The following MTMR12 variants were observed in gnomAD, a reference collection of about 807,000 sequenced individuals.
MTMR12 encodes myotubularin related protein 12.
Under a neutral mutation model 96.7 loss-of-function variants are expected in MTMR12, and 33 were observed. The observed-to-expected ratio is 0.34, with a 90% CI of 0.26 to 0.46. The LOEUF (loss-of-function observed/expected upper bound fraction) is 0.46. Among genes scored for constraint, MTMR12 ranks in the 20% least tolerant of loss-of-function variants. MTMR12 has a pLI of 1.00. For synonymous variants in MTMR12, 298 were observed against 327.2 expected (o/e 0.91, Z 0.96); for missense variants, 721 against 896.1 (o/e 0.80, Z 2.49).
At chr5:32,308,861 C>T (rs147192932) in intron 1 of MTMR12, among the ~76,000 whole-genome samples, 2,336 of 152,260 alleles carry the variant, frequency 0.015, 30 homozygotes, top group Non-Finnish European at 0.024. Context: ...CCTCGGCCTC[C>T]CAAAGTGCTG....
rs1221268817 is a variant in MTMR12, at chr5:32,312,780, A to C, written c.59T>G (p.Phe20Cys). 2.0e-6 allele frequency: 3 copies of C among 1,532,222 alleles called. No individual in the cohort carries two copies. Among genetic ancestry groups the C allele is most frequent in the Non-Finnish European group, 2.6e-6 (3 of 1,142,664 alleles). The allele number at this position is 1,532,222 out of a possible 1,614,324, so 94.9% of individuals were successfully genotyped here. Residue 20 changes from phenylalanine to cysteine, a missense_variant, in exon 1 of 16, where the codon TTC becomes TGC. Phe to Cys is a radical substitution (Grantham distance 205, BLOSUM62 -2). Transcript: ENST00000382142. The surrounding 1 kb of genome is among the most constrained non-coding windows in gnomAD (Gnocchi z 5.0). ...CACCTCAGGGCGTACGTACGACACG[A>C]AGGAGGGCTTGGGGGCCTTGGTGCC... The part of the protein sequence containing the change: ...GGGTKAPKPS[F>C]VSYVRPEEIH...
At chr5:32,248,171 T>A (rs1022441920) in intron 9 of MTMR12, 45 bp from the exon 10 acceptor site, 10 of 1,595,454 alleles carry the variant, frequency 6.3e-6, no homozygotes, top group Non-Finnish European at 8.6e-6. Context: ...CAAACTCAAA[T>A]TTTGCTTAAG....
rs116523560 is a variant in MTMR12, at chr5:32,280,079, T to C, written c.82-3337A>G. On this transcript the variant is annotated intron_variant, in intron 1 of 15. Coordinates refer to ENST00000382142, the MANE Select transcript of MTMR12 (RefSeq NM_001040446.3). ...TGGTGGTATTTACTTCACTGGTTCTTGAAAAGTCAATTCTTTGGACTCTTA... is the reference window on the plus strand; with the variant it reads ...TGGTGGTATTTACTTCACTGGTTCTCGAAAAGTCAATTCTTTGGACTCTTA... 1.1e-3 allele frequency among the ~76,000 whole-genome samples: 160 copies of C among 152,326 alleles called. 1 individual carries two copies. Among genetic ancestry groups the C allele is most frequent in the African/African-American group, 3.7e-3 (153 of 41,568 alleles).
intron 12 of MTMR12, among the ~76,000 whole-genome samples, chr5:32,241,476 C>A (rs956308706): frequency 6.6e-6 from 1 of 152,292 alleles, no homozygotes; most frequent in East Asian, 1.9e-4. Context: ...TGGGGCTAAA[C>A]GAAACATAGT....
At position 32,284,602 on chromosome 5, in the gene MTMR12, A is replaced by C. The variant is rs142607932; in HGVS notation, c.82-7860T>G. 6.0e-3 allele frequency among the ~76,000 whole-genome samples: 907 copies of C among 152,190 alleles called. 9 individuals carry two copies. Among genetic ancestry groups the C allele is most frequent in the Middle Eastern group, 0.017 (5 of 294 alleles). The stretch of plus-strand genomic sequence containing the variant: ...GGTGGTGGGAGCTTCTTAAACCATA[A>C]ACTAGTTTTACAGAAGGGTCTAGAG... On this transcript the variant is annotated intron_variant, in intron 1 of 15. Coordinates refer to ENST00000382142, the MANE Select transcript of MTMR12 (RefSeq NM_001040446.3).
At position 32,228,423 on chromosome 5, in the gene MTMR12, TTTG is replaced by T. The variant is rs1297581724; in HGVS notation, c.*1352_*1354del. The T allele has an allele frequency of 6.8e-6, 1 of 148,144 alleles. No homozygotes were observed. Among genetic ancestry groups the T allele is most frequent in the Non-Finnish European group, 1.5e-5 (1 of 67,760 alleles). The allele number at this position is 148,144 out of a possible 1,614,324, so 9.2% of individuals were successfully genotyped here. On this transcript the variant is annotated 3_prime_UTR_variant, in exon 16 of 16. Transcript: ENST00000382142. ...TTCAATTTAAAACATTCTAATGAGT[TTTG>T]TTTTTTTCCTCTTTTATGCGATTTG...
intron 15 of MTMR12, chr5:32,232,984 A>T (rs1748059054): frequency 1.0e-6 from 1 of 985,340 alleles, no homozygotes; most frequent in East Asian, 1.1e-4. Context: ...TCCTTTGTGG[A>T]CTCTGTGGGG....
At chr5:32,287,992 C>T (rs533962657) in intron 1 of MTMR12, among the ~76,000 whole-genome samples, 8 of 152,136 alleles carry the variant, frequency 5.3e-5, no homozygotes, top group African/African-American at 1.4e-4. Flanking sequence ...AAGCAGACAC[C>T]GAGCCTCAAA....
At chr5:32,299,612 A>C (rs1210367780) in intron 1 of MTMR12, among the ~76,000 whole-genome samples, 1 of 152,202 alleles carries the variant, frequency 6.6e-6, no homozygotes, top group Non-Finnish European at 1.5e-5. Flanking sequence ...GAAGAAGGCA[A>C]GAGGAACCAG....
At chr5:32,296,096 T>C (rs951867725) in intron 1 of MTMR12, among the ~76,000 whole-genome samples, 3 of 151,808 alleles carry the variant, frequency 2.0e-5, no homozygotes, top group East Asian at 3.9e-4. Context: ...GAGGTGGAGA[T>C]TGCAGTTAGC....
chr5:32,290,293 G>T (rs1405593147), intron 1 of MTMR12, among the ~76,000 whole-genome samples: 1 of 152,166 alleles, frequency 6.6e-6, no homozygotes, highest in Non-Finnish European at 1.5e-5. Flanking sequence ...CTTCCACAAG[G>T]TATCACACTG....
In MTMR12 at chr5:32,312,645, G is replaced by T. The variant is rs980403032; in HGVS notation, c.81+113C>A. On this transcript the variant is annotated intron_variant, in intron 1 of 15. Coordinates refer to ENST00000382142, the MANE Select transcript of MTMR12 (RefSeq NM_001040446.3). The surrounding 1 kb of genome is among the most constrained non-coding windows in gnomAD (Gnocchi z 5.0). ...AGCCCGCCTGGCTGCCCCGTCGCCC[G>T]GCACAAGGGCAGGAAGCGCTCCGCG... The T allele has an allele frequency of 2.0e-6, 2 of 1,005,040 alleles. No individual in the cohort carries two copies. The highest frequency in any genetic ancestry group is 4.1e-5 in the South Asian group (1 of 24,392). The allele number at this position is 1,005,040 out of a possible 1,614,324, so 62.3% of individuals were successfully genotyped here.
At chr5:32,259,734 G>A (rs1299430588) in intron 7 of MTMR12, among the ~76,000 whole-genome samples, 4 of 152,252 alleles carry the variant, frequency 2.6e-5, no homozygotes, top group African/African-American at 9.6e-5. Flanking sequence ...GGGAAAGCTT[G>A]CAACTTAAGT....
intron 4 of MTMR12, among the ~76,000 whole-genome samples, 154 bp from the exon 5 acceptor site, chr5:32,271,101 C>T (rs569873897): frequency 6.6e-6 from 1 of 152,284 alleles, no homozygotes; most frequent in African/African-American, 2.4e-5. Context: ...CAAAGGAAGC[C>T]CAATCTCTTC....
At chr5:32,249,500 A>C (rs147752687) in intron 8 of MTMR12, among the ~76,000 whole-genome samples, 1 of 152,338 alleles carries the variant, frequency 6.6e-6, no homozygotes, top group East Asian at 1.9e-4. Flanking sequence ...TTAGGTTGTG[A>C]GAGGGCACAA....
rs377576308 is a variant in MTMR12 at position 32,233,729 on chromosome 5, G to A, written c.1674+44C>T. 79 of 1,612,964 alleles carry A rather than the reference G, an allele frequency of 4.9e-5. No homozygotes were observed. The highest frequency in any genetic ancestry group is 6.6e-5 in the Non-Finnish European group (78 of 1,179,098). Reference sequence around the variant, plus strand: ...AGTACCTTTTATCATTACATGCACGGGGTCTGGGCAGCTGAAGGGGGTTTA... The same window carrying A: ...AGTACCTTTTATCATTACATGCACGAGGTCTGGGCAGCTGAAGGGGGTTTA... On this transcript the variant is annotated intron_variant, in intron 15 of 15. Coordinates refer to ENST00000382142, the MANE Select transcript of MTMR12 (RefSeq NM_001040446.3). This position sits in a 1 kb window ranked among gnomAD's most constrained non-coding sequence, Gnocchi z 5.0.
At chr5:32,235,692 A>T (rs947902450) in intron 13 of MTMR12, among the ~76,000 whole-genome samples, 12 of 152,212 alleles carry the variant, frequency 7.9e-5, no homozygotes, top group African/African-American at 2.7e-4. Context: ...CGGGGATGGG[A>T]GACAAGGGAG....
At chr5:32,270,695 A>C (rs1749795871) in intron 5 of MTMR12, 122 bp downstream of exon 5, 1 of 1,123,320 alleles carries the variant, frequency 8.9e-7, no homozygotes, top group Non-Finnish European at 1.3e-6. Flanking sequence ...TGGGATTACA[A>C]CCAATTTCAA....
chr5:32,312,923 C>T lies in MTMR12; in HGVS notation c.-85G>A. ...GGGGCAGCAGCGGCGGCCACCAGCA[C>T]TAGCGGCTGGGGCTCCGCCCATCCC... On this transcript the variant is annotated 5_prime_UTR_variant, in exon 1 of 16. It adds an upstream start codon to the 5' untranslated region. Coordinates refer to ENST00000382142, the MANE Select transcript of MTMR12 (RefSeq NM_001040446.3). This position sits in a 1 kb window ranked among gnomAD's most constrained non-coding sequence, Gnocchi z 5.0. 2.3e-6 allele frequency: 3 copies of T among 1,287,966 alleles called. No individual in the cohort carries two copies. The highest frequency in any genetic ancestry group is 3.1e-6 in the Non-Finnish European group (3 of 979,486). 79.8% of individuals were successfully genotyped at this position (1,287,966 alleles called of 1,614,324 possible).
Sources: allele counts gnomAD v4.1 joint callset (sites outside exome capture counted in the v4.1 genomes callset), GRCh38; gene constraint gnomAD v4.1.1; non-coding constraint Gnocchi (gnomAD v3.1); transcripts MANE v1.5; gene names NCBI Gene and HGNC (gene_info 2026-07-23, HGNC 2026-07-21).